Variants in IL17D observed in about 807,000 individuals in gnomAD.
IL17D encodes the protein interleukin 17D, also known as interleukin-17D.
IL17D carries 10 observed loss-of-function variants against 5.7 expected under a neutral mutation model. The observed-to-expected ratio is 1.75, with a 90% CI of 1.08 to 2.97. The LOEUF (loss-of-function observed/expected upper bound fraction) is 2.97. Ranked by LOEUF, IL17D falls within the 30% of genes most tolerant of loss-of-function variation. The pLI is 0.00. For synonymous variants in IL17D, 172 were observed against 141.7 expected (o/e 1.21, Z -1.52); for missense variants, 354 against 292.7 (o/e 1.21, Z -1.53).
chr13:20,719,586 A>G (rs1194714781), intron 1 of IL17D, among the ~76,000 whole-genome samples: 1 of 152,260 alleles, frequency 6.6e-6, no homozygotes, highest in Non-Finnish European at 1.5e-5. Flanking sequence ...AAATAATTTC[A>G]AACTAACACA....
chr13:20,718,663 C>G (rs1042661235), intron 1 of IL17D, among the ~76,000 whole-genome samples: 1 of 115,518 alleles, frequency 8.7e-6, no homozygotes, highest in Non-Finnish European at 1.8e-5. Context: ...CACTTACATG[C>G]CCACGCTCAC....
chr13:20,703,394 T>C, upstream of IL17D: 2 of 985,970 alleles, frequency 2.0e-6, no homozygotes, highest in Non-Finnish European at 2.4e-6. Flanking sequence ...TCTGTGTCCG[T>C]GAGGCCGGGC....
intron 1 of IL17D, among the ~76,000 whole-genome samples, chr13:20,712,148 ACTC>A (rs1276263845): frequency 1.3e-5 from 2 of 152,094 alleles, no homozygotes; most frequent in African/African-American, 2.4e-5. Flanking sequence ...AGACCCTGAC[ACTC>A]CTCCTGCAGT....
intron 1 of IL17D, 125 bp from the exon 2 acceptor site, chr13:20,721,511 C>CA: frequency 1.4e-6 from 1 of 731,802 alleles, no homozygotes; most frequent in South Asian, 2.0e-5. Context: ...GCCTCGCACG[C>CA]ACGCGCCCGC....
chr13:20,710,906 G>C (rs1464738775), intron 1 of IL17D, among the ~76,000 whole-genome samples: 1 of 152,112 alleles, frequency 6.6e-6, no homozygotes, highest in Non-Finnish European at 1.5e-5. Flanking sequence ...CAAAGAAAAG[G>C]ACAAGGAGTG....
At chr13:20,718,908 A>G (rs1458271120) in intron 1 of IL17D, among the ~76,000 whole-genome samples, 3 of 132,084 alleles carry the variant, frequency 2.3e-5, no homozygotes, top group Admixed American at 7.6e-5. Context: ...ACACCCGCCC[A>G]TGCTCACACA....
intron 1 of IL17D, among the ~76,000 whole-genome samples, chr13:20,720,478 G>T (rs1339983788): frequency 1.3e-5 from 2 of 152,222 alleles, no homozygotes; most frequent in Non-Finnish European, 2.9e-5. Context: ...TTGGAGGGAA[G>T]CATGAATAAA....
rs536162796 is a variant in IL17D, at chr13:20,707,214, G to A, written c.290+2923G>A. Among the ~76,000 whole-genome samples the A allele has an allele frequency of 3.3e-5, 5 of 152,026 alleles. No individual in the cohort carries two copies. In the South Asian group the frequency reaches 8.3e-4, roughly 25 times the overall value. Reference sequence around the variant, plus strand: ...CCCAGTGGCTCACCTGTAAATCCCCGGCTACTCAGGAGGCGGAGGTGGGAG... The same window carrying A: ...CCCAGTGGCTCACCTGTAAATCCCCAGCTACTCAGGAGGCGGAGGTGGGAG... On this transcript the variant is annotated intron_variant, in intron 1 of 1. Coordinates refer to ENST00000682841, the MANE Select transcript of IL17D (RefSeq NM_001385224.1).
intron 1 of IL17D, among the ~76,000 whole-genome samples, chr13:20,706,932 G>A (rs1299176255): frequency 6.6e-6 from 1 of 152,188 alleles, no homozygotes; most frequent in African/African-American, 2.4e-5. Context: ...AAGGTGTCAT[G>A]TGCATCATTT....
rs1196028860 is a variant in IL17D, at chr13:20,716,276, T to C, written c.291-5360T>C. On this transcript the variant is annotated intron_variant, in intron 1 of 1. Transcript: ENST00000682841. The surrounding 1 kb of genome is among the most constrained non-coding windows in gnomAD (Gnocchi z 4.2). ...GATCTGCTGGCGTGAGTCTGCCCCCTCATTTCTTTTTCAAAATTGTCTTGA... is the reference window on the plus strand; with the variant it reads ...GATCTGCTGGCGTGAGTCTGCCCCCCCATTTCTTTTTCAAAATTGTCTTGA... 6.1e-6 allele frequency: 1 copy of C among 163,870 alleles called. No homozygotes were observed. Among genetic ancestry groups the C allele is most frequent in the African/African-American group, 2.4e-5 (1 of 41,660 alleles). 10.2% of individuals were successfully genotyped at this position (163,870 alleles called of 1,614,324 possible). A position where few individuals can be genotyped will look rare whatever the true frequency, so the allele number is the denominator to read the frequency against.
Position 20,716,668 on chromosome 13 carries a change from T to G in IL17D, c.291-4968T>G, listed in dbSNP as rs1215466565. Among the ~76,000 whole-genome samples, 4 of 152,072 alleles carry G rather than the reference T, an allele frequency of 2.6e-5. No individual in the cohort carries two copies. The highest frequency in any genetic ancestry group is 5.9e-5 in the Non-Finnish European group (4 of 68,024). ...GCTGCATCCTCCCCTTTTAAGAGAG[T>G]CTGCTGGGTTGAACTCATTGACCTT... On this transcript the variant is annotated intron_variant, in intron 1 of 1. Coordinates refer to ENST00000682841, the MANE Select transcript of IL17D (RefSeq NM_001385224.1). The surrounding 1 kb of genome is among the most constrained non-coding windows in gnomAD (Gnocchi z 4.2).
In IL17D at chr13:20,721,943, G is replaced by T. The variant is rs765414486; in HGVS notation, c.598G>T (p.Ala200Ser). ...CCTGCTGGGCCCCAACGACGCGCCCGCTGGCCCCTGAGGCCGGTCCTGCCC... is the reference window on the plus strand; with the variant it reads ...CCTGCTGGGCCCCAACGACGCGCCCTCTGGCCCCTGAGGCCGGTCCTGCCC... The part of the protein sequence containing the change: ...KLLLGPNDAP[A>S]GP The change falls in exon 2 of 2, where the codon GCT becomes TCT. Residue 200 changes from alanine to serine, a missense_variant. By Grantham distance (99) the Ala-to-Ser change is moderately conservative. Coordinates refer to ENST00000682841, the MANE Select transcript of IL17D (RefSeq NM_001385224.1). The T allele has an allele frequency of 3.8e-6, 6 of 1,594,246 alleles. No homozygotes were observed. In the African/African-American group the frequency reaches 5.4e-5, roughly 14 times the overall value.
At chr13:20,715,951 G>C (rs2058675912) in intron 1 of IL17D, 1 of 174,342 alleles carries the variant, frequency 5.7e-6, no homozygotes, top group African/African-American at 2.4e-5. Flanking sequence ...GAGTCTCACT[G>C]TTGCCCAGGC....
intron 1 of IL17D, among the ~76,000 whole-genome samples, chr13:20,720,716 C>G (rs1432485776): frequency 1.3e-5 from 2 of 152,178 alleles, no homozygotes; most frequent in Admixed American, 1.3e-4. Flanking sequence ...CCTCATCCCC[C>G]ACATTCAAAC....
In IL17D at chr13:20,722,626, C is replaced by G. The variant is rs1341374895; in HGVS notation, c.*672C>G. On this transcript the variant is annotated 3_prime_UTR_variant, in exon 2 of 2. Transcript: ENST00000682841. ...GACACGTCTCATCTGACCCACTCTT[C>G]CTTCCACTGAAGGTCTTCACGGGCC... 1 of 152,218 alleles carries G rather than the reference C, an allele frequency of 6.6e-6. No homozygotes were observed. The highest frequency in any genetic ancestry group is 1.5e-5 in the Non-Finnish European group (1 of 68,046). 9.4% of individuals were successfully genotyped at this position (152,218 alleles called of 1,614,324 possible). A position where few individuals can be genotyped will look rare whatever the true frequency, so the allele number is the denominator to read the frequency against.
chr13:20,703,466 G>A (rs2058560238), upstream of IL17D: 1 of 975,522 alleles, frequency 1.0e-6, no homozygotes, highest in South Asian at 4.7e-5. Context: ...GACCACAGGG[G>A]GCTTCTCGCG....
In IL17D at chr13:20,716,025, G is replaced by A. The variant is rs1445258604; in HGVS notation, c.291-5611G>A. 9.7e-6 allele frequency: 9 copies of A among 931,844 alleles called. No individual in the cohort carries two copies. The highest frequency in any genetic ancestry group is 2.3e-4 in the East Asian group (2 of 8,550). 57.7% of individuals were successfully genotyped at this position (931,844 alleles called of 1,614,324 possible). ...GCTGCGATTACAGGCATGAGCCACC[G>A]CGCCCGGCCAGAATCGACACTTTTA... On this transcript the variant is annotated intron_variant, in intron 1 of 1. Coordinates refer to ENST00000682841, the MANE Select transcript of IL17D (RefSeq NM_001385224.1). The surrounding 1 kb of genome is among the most constrained non-coding windows in gnomAD (Gnocchi z 4.2).
In IL17D at chr13:20,722,891, T is replaced by C. The variant is rs2058748657; in HGVS notation, c.*937T>C. On this transcript the variant is annotated 3_prime_UTR_variant, in exon 2 of 2. Coordinates refer to ENST00000682841, the MANE Select transcript of IL17D (RefSeq NM_001385224.1). Reference sequence around the variant, plus strand: ...ATCCAAGCAGGTATTGGCTTAGTTGTAAGGGCTTTAGGATCAGGCTGAATA... The same window carrying C: ...ATCCAAGCAGGTATTGGCTTAGTTGCAAGGGCTTTAGGATCAGGCTGAATA... 6.6e-6 allele frequency: 1 copy of C among 152,162 alleles called. No individual in the cohort carries two copies. The highest frequency in any genetic ancestry group is 2.1e-4 in the South Asian group (1 of 4,832). The allele number at this position is 152,162 out of a possible 1,614,324, so 9.4% of individuals were successfully genotyped here.
intron 1 of IL17D, among the ~76,000 whole-genome samples, chr13:20,718,833 C>T (rs2058707008): frequency 1.4e-5 from 2 of 147,486 alleles, no homozygotes; most frequent in Admixed American, 6.8e-5. Flanking sequence ...CCTGCCCACA[C>T]TCAGACACAC....
Sources: allele counts gnomAD v4.1 joint callset (sites outside exome capture counted in the v4.1 genomes callset), GRCh38; gene constraint gnomAD v4.1.1; non-coding constraint Gnocchi (gnomAD v3.1); transcripts MANE v1.5; gene names NCBI Gene and HGNC (gene_info 2026-07-23, HGNC 2026-07-21).